KCND2: variants seen among roughly 807,000 people sequenced by gnomAD.
KCND2 encodes A-type voltage-gated potassium channel KCND2.
Under a neutral mutation model 54.4 loss-of-function variants are expected in KCND2, and 16 were observed. That is an observed-to-expected ratio of 0.29 (90% CI 0.20 to 0.45). KCND2 has a LOEUF of 0.45. KCND2 is among the 20% of genes least tolerant of loss of function. The pLI is 1.00. For missense variants in KCND2, 486 were observed against 824.2 expected, an observed-to-expected ratio of 0.59 and a Z score of 5.02; for synonymous variants, 317 against 310.7, an observed-to-expected ratio of 1.02 and a Z score of -0.21.
chr7:120,374,504 C>T (rs1367394810), intron 1 of KCND2, among the ~76,000 whole-genome samples: 2 of 151,698 alleles, frequency 1.3e-5, no homozygotes, highest in Non-Finnish European at 1.5e-5. Flanking sequence ...TCAAGTACCT[C>T]CATATAGGTA....
intron 2 of KCND2, among the ~76,000 whole-genome samples, chr7:120,737,784 G>C (rs1034745169): frequency 2.0e-5 from 3 of 151,972 alleles, no homozygotes; most frequent in Admixed American, 1.3e-4. Flanking sequence ...CATGTTACAG[G>C]GAGTGTGGAG....
chr7:120,513,524 A>G (rs1305508757), intron 1 of KCND2, among the ~76,000 whole-genome samples: 1 of 152,096 alleles, frequency 6.6e-6, no homozygotes, highest in African/African-American at 2.4e-5. Context: ...GGACTGATTT[A>G]TTTCACTAAA....
intron 1 of KCND2, among the ~76,000 whole-genome samples, chr7:120,282,386 C>T (rs1035881223): frequency 6.6e-6 from 1 of 151,998 alleles, no homozygotes; most frequent in Non-Finnish European, 1.5e-5. Flanking sequence ...CAATTTCTGT[C>T]AGGAAAAGCT....
At chr7:120,297,084 T>C (rs543515674) in intron 1 of KCND2, among the ~76,000 whole-genome samples, 1 of 152,166 alleles carries the variant, frequency 6.6e-6, no homozygotes, top group East Asian at 1.9e-4. Context: ...ATATATTGGG[T>C]AGCAATGAAA....
chr7:120,374,447 A>G lies in KCND2; in HGVS notation c.1115+98700A>G, dbSNP rs551751672. On this transcript the variant is annotated intron_variant, in intron 1 of 5. Coordinates refer to ENST00000331113, the MANE Select transcript of KCND2 (RefSeq NM_012281.3). Reference sequence around the variant, plus strand: ...AAAAAGTGGATTCGAACTAGGGTTAATTACGTTTTCTGTGATAATTTTAAG... The same window carrying G: ...AAAAAGTGGATTCGAACTAGGGTTAGTTACGTTTTCTGTGATAATTTTAAG... 5.3e-5 allele frequency among the ~76,000 whole-genome samples: 8 copies of G among 151,842 alleles called. No homozygotes were observed. In the South Asian group the frequency reaches 1.7e-3, roughly 32 times the overall value.
At chr7:120,306,552 G>A (rs1766456334) in intron 1 of KCND2, among the ~76,000 whole-genome samples, 2 of 151,914 alleles carry the variant, frequency 1.3e-5, no homozygotes, top group Admixed American at 6.6e-5. Flanking sequence ...TAAATAATTA[G>A]TGATATTTCT....
intron 1 of KCND2, among the ~76,000 whole-genome samples, chr7:120,530,751 A>ATTTT (rs1791833810): frequency 1.3e-5 from 2 of 152,132 alleles, no homozygotes; most frequent in Admixed American, 1.3e-4. Context: ...TTGTTTGACC[A>ATTTT]TTATTCAAAT....
intron 1 of KCND2, among the ~76,000 whole-genome samples, chr7:120,649,547 T>G (rs1012361861): frequency 6.6e-6 from 1 of 152,214 alleles, no homozygotes; most frequent in Non-Finnish European, 1.5e-5. Context: ...GTCTTTTGGC[T>G]GCATAAATGT....
chr7:120,700,551 A>G (rs1440827589), intron 1 of KCND2, among the ~76,000 whole-genome samples: 1 of 152,234 alleles, frequency 6.6e-6, no homozygotes, highest in Admixed American at 6.5e-5. Context: ...CTTACAACCC[A>G]TGACATAAAT....
chr7:120,306,662 T>A (rs1002305752), intron 1 of KCND2, among the ~76,000 whole-genome samples: 1 of 152,094 alleles, frequency 6.6e-6, no homozygotes, highest in African/African-American at 2.4e-5. Context: ...TCAAAAACTT[T>A]CTCTATGAAA....
chr7:120,536,278 A>C (rs1462205217), intron 1 of KCND2, among the ~76,000 whole-genome samples: 3 of 152,166 alleles, frequency 2.0e-5, no homozygotes, highest in Non-Finnish European at 1.5e-5. Context: ...GTTAACAATC[A>C]TCTGGACTGT....
intron 1 of KCND2, among the ~76,000 whole-genome samples, chr7:120,308,258 G>A (rs1335738811): frequency 2.0e-5 from 3 of 151,922 alleles, no homozygotes; most frequent in Non-Finnish European, 2.9e-5. Context: ...TAGTTTTATG[G>A]CCATGCTTCT....
At chr7:120,464,849 C>G (rs1382838098) in intron 1 of KCND2, among the ~76,000 whole-genome samples, 2 of 152,098 alleles carry the variant, frequency 1.3e-5, no homozygotes, top group African/African-American at 4.8e-5. Context: ...GCACTTGGAG[C>G]CCCCGTGTTT....
chr7:120,368,854 T>C (rs1229086699), intron 1 of KCND2, among the ~76,000 whole-genome samples: 1 of 152,126 alleles, frequency 6.6e-6, no homozygotes, highest in Non-Finnish European at 1.5e-5. Context: ...AAATTAAATA[T>C]GGCAGTGAGG....
intron 1 of KCND2, among the ~76,000 whole-genome samples, chr7:120,667,759 C>T (rs1791946235): frequency 6.6e-6 from 1 of 152,026 alleles, no homozygotes; most frequent in Admixed American, 6.5e-5. Flanking sequence ...TATGCCCAAA[C>T]TTGTCTCTTT....
chr7:120,475,519 G>A (rs1193070503), intron 1 of KCND2, among the ~76,000 whole-genome samples: 1 of 151,942 alleles, frequency 6.6e-6, no homozygotes, highest in East Asian at 1.9e-4. Flanking sequence ...CATATCTGAT[G>A]TTCACACCAA....
chr7:120,446,884 A>T (rs1450645002), intron 1 of KCND2, among the ~76,000 whole-genome samples: 1 of 152,178 alleles, frequency 6.6e-6, no homozygotes, highest in Non-Finnish European at 1.5e-5. Flanking sequence ...GGCATTTTGC[A>T]TTTCTAAAAA....
chr7:120,617,926 G>A (rs1278541808), intron 1 of KCND2, among the ~76,000 whole-genome samples: 4 of 152,114 alleles, frequency 2.6e-5, no homozygotes, highest in Admixed American at 6.6e-5. Context: ...GAAAACTACC[G>A]CATGTTCTCA....
At chr7:120,576,792 C>T (rs1208354490) in intron 1 of KCND2, among the ~76,000 whole-genome samples, 2 of 152,120 alleles carry the variant, frequency 1.3e-5, no homozygotes, top group East Asian at 3.8e-4. Context: ...CTGTTTTACT[C>T]TTTTAAGTAA....
Sources: gnomAD v4.1 joint callset for allele counts (sites outside exome capture counted in the v4.1 genomes callset) on GRCh38, gnomAD v4.1.1 for gene constraint, MANE v1.5 for transcripts, NCBI Gene and HGNC (gene_info 2026-07-23, HGNC 2026-07-21) for gene names.